The following FAM20C variants were observed in gnomAD, a reference collection of about 807,000 sequenced individuals.
FAM20C encodes the protein extracellular serine/threonine protein kinase FAM20C.
Under a neutral mutation model 51.5 loss-of-function variants are expected in FAM20C, and 40 were observed. The observed-to-expected ratio is 0.78, with a 90% CI of 0.60 to 1.01. The LOEUF (loss-of-function observed/expected upper bound fraction) is 1.01, where lower values mean the gene tolerates loss of function less well. Among genes scored for constraint, FAM20C ranks in the 50% least tolerant of loss-of-function variants. FAM20C has a pLI of 0.00. For synonymous variants in FAM20C, 406 were observed against 380.6 expected, an observed-to-expected ratio of 1.07 and a Z score of -0.78; for missense variants, 861 against 844.7, an observed-to-expected ratio of 1.02 and a Z score of -0.24.
chr7:258,792 C>T (rs1788752152), intron 9 of FAM20C, 87 bp downstream of exon 9: 7 of 1,278,856 alleles, frequency 5.5e-6, no homozygotes, highest in Non-Finnish European at 7.4e-6. Flanking sequence ...CCCCACCCCA[C>T]CCCGGCCATC....
chr7:228,747 A>G, intron 3 of FAM20C: 2 of 456,226 alleles, frequency 4.4e-6, no homozygotes, highest in South Asian at 3.1e-5. Context: ...TCCTCCACCA[A>G]GAGTGACCTG....
At chr7:217,020 T>A (rs1372002185) in intron 3 of FAM20C, among the ~76,000 whole-genome samples, 2 of 152,098 alleles carry the variant, frequency 1.3e-5, no homozygotes, top group Non-Finnish European at 2.9e-5. Context: ...AGAGGCCCTG[T>A]GTCATGTCTG....
chr7:194,898 T>C (rs984483139), intron 1 of FAM20C, among the ~76,000 whole-genome samples: 1 of 152,192 alleles, frequency 6.6e-6, no homozygotes, highest in Non-Finnish European at 1.5e-5. Context: ...ACGGAGGGTC[T>C]GTCCCTCCTC....
At chr7:254,663 T>C (rs1554255988) in intron 5 of FAM20C, among the ~76,000 whole-genome samples, 1 of 152,174 alleles carries the variant, frequency 6.6e-6, no homozygotes. Flanking sequence ...GTTTTTAGTA[T>C]ATCCACAATG....
intron 3 of FAM20C, chr7:227,584 C>G (rs1309911449): frequency 6.6e-6 from 1 of 151,958 alleles, no homozygotes; most frequent in Non-Finnish European, 1.5e-5. Context: ...CCTTTTATTA[C>G]TTTGAAATGA....
In FAM20C at chr7:210,748, C is replaced by T. The variant is rs538491277; in HGVS notation, c.863+1772C>T. ...GAGTGTTCCTGGGCGCCAGCTTGTCCGGCCCCTATTTCATGGTCCGTGTGA... is the reference window on the plus strand; with the variant it reads ...GAGTGTTCCTGGGCGCCAGCTTGTCTGGCCCCTATTTCATGGTCCGTGTGA... On this transcript the variant is annotated intron_variant, in intron 3 of 9. Transcript: ENST00000313766. Among the ~76,000 whole-genome samples the T allele has an allele frequency of 2.9e-4, 44 of 152,264 alleles. No individual in the cohort carries two copies. The South Asian group carries it at 5.2e-3, about 18-fold the overall frequency.
intron 3 of FAM20C, chr7:228,111 C>T (rs1054573585): frequency 3.0e-5 from 8 of 266,478 alleles, no homozygotes; most frequent in East Asian, 8.9e-5. Context: ...TGATGGGGGA[C>T]GGCGGGCTCA....
intron 7 of FAM20C, 107 bp downstream of exon 7, chr7:256,870 T>C (rs1583344814): frequency 3.5e-6 from 5 of 1,416,744 alleles, no homozygotes; most frequent in Middle Eastern, 2.0e-4. Context: ...GCTGCGGTCC[T>C]GTGGCCTGTG....
chr7:213,400 T>G (rs1786821584), intron 3 of FAM20C, among the ~76,000 whole-genome samples: 2 of 152,362 alleles, frequency 1.3e-5, no homozygotes, highest in East Asian at 3.9e-4. Flanking sequence ...GTCCACTGCG[T>G]AGTCCTTTGT....
chr7:250,791 C>T (rs1788368217), intron 5 of FAM20C, among the ~76,000 whole-genome samples: 3 of 152,216 alleles, frequency 2.0e-5, no homozygotes, highest in East Asian at 1.9e-4. Context: ...CCTGGATGCC[C>T]GACTGCTTCT....
At chr7:211,939 C>CA (rs397795463) in intron 3 of FAM20C, among the ~76,000 whole-genome samples, 4 of 152,180 alleles carry the variant, frequency 2.6e-5, no homozygotes, top group African/African-American at 9.7e-5. Context: ...CGCCGCCCCC[C>CA]AGGTCAGGTT....
chr7:243,084 A>G (rs913287635), intron 3 of FAM20C, among the ~76,000 whole-genome samples: 1,702 of 114,292 alleles, frequency 0.015, 15 homozygotes, highest in African/African-American at 0.017. Flanking sequence ...TGTGCCACCC[A>G]AGAGACCTGT....
intron 3 of FAM20C, chr7:246,165 G>A: frequency 2.1e-6 from 1 of 467,298 alleles, no homozygotes. Context: ...GCGCTGCTCT[G>A]AGGGCCCGTC....
At chr7:244,921 G>A (rs1348048898) in intron 3 of FAM20C, among the ~76,000 whole-genome samples, 3 of 152,266 alleles carry the variant, frequency 2.0e-5, no homozygotes, top group East Asian at 1.9e-4. Flanking sequence ...CCGGGAACAC[G>A]GAGAATTGTG....
intron 2 of FAM20C, among the ~76,000 whole-genome samples, chr7:199,261 G>A (rs1390127983): frequency 1.3e-5 from 2 of 152,242 alleles, no homozygotes; most frequent in Non-Finnish European, 2.9e-5. Context: ...AGCAGCCTCT[G>A]GCTAGGCCCT....
chr7:246,090 T>C (rs1355285031), intron 3 of FAM20C: 1 of 244,500 alleles, frequency 4.1e-6, no homozygotes, highest in African/African-American at 2.3e-5. Context: ...GGAGAGGCCT[T>C]TGAGCAGCTT....
At chr7:256,952 G>T in intron 7 of FAM20C, 53 bp from the exon 8 acceptor site, 2 of 1,526,674 alleles carry the variant, frequency 1.3e-6, no homozygotes, top group South Asian at 1.2e-5. Context: ...AGGCCTCTGA[G>T]CTACGTGGCC....
chr7:216,632 AGTGTGTGTGAGTGT>A (rs1415110310), intron 3 of FAM20C, among the ~76,000 whole-genome samples: 1 of 129,008 alleles, frequency 7.8e-6, no homozygotes, highest in Non-Finnish European at 1.6e-5. Flanking sequence ...AGTGTGTGTG[AGTGTGTGTGAGTGT>A]GTGTGAGTGT....
intron 3 of FAM20C, among the ~76,000 whole-genome samples, chr7:222,590 G>T (rs1405407936): frequency 6.6e-6 from 1 of 152,156 alleles, no homozygotes; most frequent in East Asian, 1.9e-4. Context: ...CCCAGCAAGA[G>T]GTGAAGGGAC....
Sources: allele counts gnomAD v4.1 joint callset (sites outside exome capture counted in the v4.1 genomes callset), GRCh38; gene constraint gnomAD v4.1.1; transcripts MANE v1.5; gene names NCBI Gene and HGNC (gene_info 2026-07-23, HGNC 2026-07-21).